Variants in TMC5 observed in about 807,000 individuals in gnomAD.
TMC5 encodes the protein transmembrane channel like 5, also known as transmembrane channel-like protein 5.
Under a neutral mutation model 110.5 loss-of-function variants are expected in TMC5, and 86 were observed. That is an observed-to-expected ratio of 0.78 (90% CI 0.65 to 0.93). TMC5 has a LOEUF of 0.93. Among genes scored for constraint, TMC5 ranks in the 40% least tolerant of loss-of-function variants. The pLI is 0.00. For synonymous variants in TMC5, 455 were observed against 439.5 expected, an observed-to-expected ratio of 1.04 and a Z score of -0.44; for missense variants, 1,144 against 1,222.8, an observed-to-expected ratio of 0.94 and a Z score of 0.96.
Position 19,481,104 on chromosome 16 carries a change from G to T in TMC5, c.2268-266G>T, listed in dbSNP as rs564041312. On this transcript the variant is annotated intron_variant, in intron 14 of 21. Transcript: ENST00000542583. The stretch of plus-strand genomic sequence containing the variant: ...TAGTGGGATAATTTAAATGTTCAGG[G>T]TAACAAATATTCTCTAGAATTTTTT... Among the ~76,000 whole-genome samples, 5 of 152,160 alleles carry T rather than the reference G, an allele frequency of 3.3e-5. No individual in the cohort carries two copies. The East Asian group carries it at 9.7e-4, about 29-fold the overall frequency.
In TMC5 at chr16:19,487,208, A is replaced by C. The variant is rs1968766536; in HGVS notation, c.2455A>C (p.Asn819His). 3 of 1,613,014 alleles carry C rather than the reference A, an allele frequency of 1.9e-6. No individual in the cohort carries two copies. Among genetic ancestry groups the C allele is most frequent in the Non-Finnish European group, 1.7e-6 (2 of 1,179,590 alleles). Reference protein sequence around the residue: ...FYSKNISLMMNFQPPSKAWRA... With the variant: ...FYSKNISLMMHFQPPSKAWRA... ...CTCTCTTCAGATCAGCCTGATGATGAATTTCCAGCCTCCGAGCAAAGCCTG... is the reference window on the plus strand; with the variant it reads ...CTCTCTTCAGATCAGCCTGATGATGCATTTCCAGCCTCCGAGCAAAGCCTG... Residue 819 changes from asparagine (N) to histidine (H), a missense_variant, in exon 17 of 22, where the codon AAT (asparagine) becomes CAT (histidine). Asn to His is a moderately conservative substitution (Grantham distance 68). Coordinates refer to ENST00000542583, the MANE Select transcript of TMC5 (RefSeq NM_001261841.2).
At chr16:19,465,009 T>G (rs1014666221) in intron 8 of TMC5, among the ~76,000 whole-genome samples, 4 of 27,988 alleles carry the variant, frequency 1.4e-4, no homozygotes, top group East Asian at 4.6e-4. Flanking sequence ...TTGTCTTTCT[T>G]TCTTTCTTTC....
chr16:19,425,684 C>A (rs1032122998), intron 1 of TMC5, among the ~76,000 whole-genome samples: 2 of 152,010 alleles, frequency 1.3e-5, no homozygotes, highest in Admixed American at 6.6e-5. Context: ...TTTCCTCAAG[C>A]AATTTATTTT....
intron 17 of TMC5, 65 bp from the exon 18 acceptor site, chr16:19,490,330 C>G: frequency 6.5e-7 from 1 of 1,538,166 alleles, no homozygotes; most frequent in South Asian, 1.2e-5. Context: ...AAGGGACACC[C>G]TGATTCTAGA....
upstream of TMC5, among the ~76,000 whole-genome samples, chr16:19,413,745 C>T (rs1966864003): frequency 6.6e-6 from 1 of 151,950 alleles, no homozygotes; most frequent in East Asian, 1.9e-4. Context: ...GTGCTTAGTC[C>T]CAGCCCTAGT....
upstream of TMC5, chr16:19,410,719 G>C (rs1227556361): frequency 5.3e-5 from 8 of 152,214 alleles, no homozygotes; most frequent in Non-Finnish European, 7.3e-5. Flanking sequence ...GGGCTGCTTC[G>C]GGCCAGGGTC....
intron 4 of TMC5, among the ~76,000 whole-genome samples, chr16:19,448,369 CTT>C (rs1282992359): frequency 2.0e-5 from 3 of 151,810 alleles, no homozygotes; most frequent in African/African-American, 4.8e-5. Context: ...AATCCCAACC[CTT>C]TGAGAGGCCA....
At chr16:19,450,487 G>A (rs1967723352) in intron 5 of TMC5, among the ~76,000 whole-genome samples, 1 of 152,124 alleles carries the variant, frequency 6.6e-6, no homozygotes, top group Admixed American at 6.6e-5. Context: ...TGTAAAACTT[G>A]CTTTTCAGTT....
At chr16:19,481,611 A>G (rs1968621706) in intron 15 of TMC5, 146 bp downstream of exon 15, 1 of 650,736 alleles carries the variant, frequency 1.5e-6, no homozygotes, top group Non-Finnish European at 2.8e-6. Flanking sequence ...TGAATTTAGC[A>G]TTTAGACTAT....
chr16:19,489,860 C>T (rs1328302103), intron 17 of TMC5, among the ~76,000 whole-genome samples: 1 of 151,654 alleles, frequency 6.6e-6, no homozygotes, highest in East Asian at 1.9e-4. Context: ...GTGATCACAG[C>T]TCACTATAGC....
intron 3 of TMC5, 148 bp from the exon 4 acceptor site, chr16:19,443,933 A>G (rs970501478): frequency 1.5e-6 from 1 of 669,684 alleles, no homozygotes; most frequent in Non-Finnish European, 2.5e-6. Flanking sequence ...GGATGGATAC[A>G]TGGATGGATG....
At position 19,452,062 on chromosome 16, in the gene TMC5, G is replaced by T. The variant is rs539722768; in HGVS notation, c.1048+2431G>T. On this transcript the variant is annotated intron_variant, in intron 5 of 21. Coordinates refer to ENST00000542583, the MANE Select transcript of TMC5 (RefSeq NM_001261841.2). Reference sequence around the variant, plus strand: ...GATCTGCCCACCTCGGCTTCCCAAAGTGCTGGGATTACAGGCATGAGCCAC... The same window carrying T: ...GATCTGCCCACCTCGGCTTCCCAAATTGCTGGGATTACAGGCATGAGCCAC... Among the ~76,000 whole-genome samples the T allele has an allele frequency of 1.2e-3, 181 of 152,234 alleles. 1 individual carries two copies. The highest frequency in any genetic ancestry group is 3.4e-3 in the Middle Eastern group (1 of 294).
At chr16:19,445,493 C>T (rs778402873) in intron 4 of TMC5, among the ~76,000 whole-genome samples, 7 of 152,196 alleles carry the variant, frequency 4.6e-5, no homozygotes, top group South Asian at 2.1e-4. Context: ...CCTCCAGTCT[C>T]GGCCTCCCAA....
At chr16:19,427,513 T>C (rs928495747) in intron 1 of TMC5, among the ~76,000 whole-genome samples, 1 of 152,144 alleles carries the variant, frequency 6.6e-6, no homozygotes, top group Non-Finnish European at 1.5e-5. Context: ...CTGGCCATAT[T>C]TGAAGTGTTC....
chr16:19,427,358 G>T (rs560514214), intron 1 of TMC5, among the ~76,000 whole-genome samples: 1 of 152,164 alleles, frequency 6.6e-6, no homozygotes, highest in Non-Finnish European at 1.5e-5. Flanking sequence ...AGGCTGAGAC[G>T]CAGGAATCAC....
At chr16:19,457,014 A>G in intron 5 of TMC5, 1 of 1,596,296 alleles carries the variant, frequency 6.3e-7, no homozygotes, top group South Asian at 1.1e-5. Context: ...GAAACTGTTC[A>G]AGGTAGTGAA....
chr16:19,459,589 C>G (rs1400779194), intron 5 of TMC5, among the ~76,000 whole-genome samples: 3 of 151,734 alleles, frequency 2.0e-5, no homozygotes, highest in South Asian at 4.2e-4. Context: ...CCACCTTGGG[C>G]AACATAGCAA....
At chr16:19,438,990 T>G (rs148821550) in intron 2 of TMC5, among the ~76,000 whole-genome samples, 36 of 152,182 alleles carry the variant, frequency 2.4e-4, no homozygotes, top group African/African-American at 7.2e-4. Flanking sequence ...GGAAGTGAGG[T>G]TCAGGAGCAA....
intron 1 of TMC5, among the ~76,000 whole-genome samples, chr16:19,418,666 T>C (rs1359847753): frequency 6.6e-6 from 1 of 151,994 alleles, no homozygotes; most frequent in Non-Finnish European, 1.5e-5. Context: ...ATTTTTCTCA[T>C]TCTTCTCATC....
Sources: allele counts gnomAD v4.1 joint callset (sites outside exome capture counted in the v4.1 genomes callset), GRCh38; gene constraint gnomAD v4.1.1; transcripts MANE v1.5; gene names NCBI Gene and HGNC (gene_info 2026-07-23, HGNC 2026-07-21).